Variants in PPP2R5C observed in about 807,000 individuals in gnomAD.
The protein encoded by PPP2R5C is serine/threonine-protein phosphatase 2A 56 kDa regulatory subunit gamma isoform.
In PPP2R5C, 7 loss-of-function variants were observed where a neutral mutation model predicts 68.9. That is an observed-to-expected ratio of 0.10 (90% CI 0.06 to 0.19). The LOEUF (loss-of-function observed/expected upper bound fraction) is 0.19, where lower values mean the gene tolerates loss of function less well. Among genes scored for constraint, PPP2R5C ranks in the 10% least tolerant of loss-of-function variants. PPP2R5C has a pLI of 1.00. For missense variants in PPP2R5C, 348 were observed against 641.3 expected (o/e 0.54, Z 4.94); for synonymous variants, 210 against 222.2 (o/e 0.95, Z 0.49).
At chr14:101,923,225 G>C (rs965446008) in intron 13 of PPP2R5C, among the ~76,000 whole-genome samples, 3 of 152,174 alleles carry the variant, frequency 2.0e-5, no homozygotes, top group Non-Finnish European at 4.4e-5. Context: ...AAATGTCTAA[G>C]CAGAAAGGCC....
At position 101,781,750 on chromosome 14, in the gene PPP2R5C, C is replaced by G. The variant is rs905908750; in HGVS notation, c.94-4268C>G. On this transcript the variant is annotated intron_variant, in intron 2 of 14. Coordinates refer to the PPP2R5C transcript ENST00000328724. The surrounding 1 kb of genome is among the most constrained non-coding windows in gnomAD (Gnocchi z 6.4). ...CGGGGAAGAAGCGGAGGACGCCGAT[C>G]TGGCCTCCTGCGTTGCGCGCTCCAA... 1.3e-5 allele frequency among the ~76,000 whole-genome samples: 2 copies of G among 152,038 alleles called. No homozygotes were observed. Among genetic ancestry groups the G allele is most frequent in the African/African-American group, 2.4e-5 (1 of 41,406 alleles).
intron 3 of PPP2R5C, among the ~76,000 whole-genome samples, chr14:101,798,859 G>A (rs2140128830): frequency 6.6e-6 from 1 of 152,326 alleles, no homozygotes; most frequent in African/African-American, 2.4e-5. Flanking sequence ...CAGGAGGTGA[G>A]TGGAAGGCAT....
At chr14:101,767,329 T>C (rs898005911) in intron 2 of PPP2R5C, among the ~76,000 whole-genome samples, 1 of 152,206 alleles carries the variant, frequency 6.6e-6, no homozygotes, top group Non-Finnish European at 1.5e-5. Flanking sequence ...TTTAAAAATA[T>C]TTAATAATAC....
rs988967157 is a variant in PPP2R5C at position 101,890,126 on chromosome 14, C to T, written c.630-111C>T. ...GCTTGCTCACCACGAGCAGTGTTTG[C>T]ACAAATAGATGCGCTTCTTGTTGCC... is the stretch of plus-strand genomic sequence containing the variant. On this transcript the variant is annotated intron_variant, in intron 5 of 13. Transcript: ENST00000334743. 20 of 989,514 alleles carry T rather than the reference C, an allele frequency of 2.0e-5. No individual in the cohort carries two copies. The East Asian group carries it at 4.8e-4, about 24-fold the overall frequency. 61.3% of individuals were successfully genotyped at this position (989,514 alleles called of 1,614,324 possible). A position where few individuals can be genotyped will look rare whatever the true frequency, so the allele number is the denominator to read the frequency against.
In PPP2R5C at chr14:101,763,087, T is replaced by C. The variant is rs1049633021; in HGVS notation, c.93+117T>C. ...AAATGTTTCCCTATGTGAGGTTTTTTTTTTGTGGTGTCTTTTATAACCCTC... is the reference window on the plus strand; with the variant it reads ...AAATGTTTCCCTATGTGAGGTTTTTCTTTTGTGGTGTCTTTTATAACCCTC... On this transcript the variant is annotated intron_variant, in intron 2 of 14. Transcript: ENST00000328724. The C allele has an allele frequency of 1.2e-5, 10 of 853,014 alleles. No individual in the cohort carries two copies. In the South Asian group the frequency reaches 1.2e-4, roughly 10 times the overall value. The allele number at this position is 853,014 out of a possible 1,614,324, so 52.8% of individuals were successfully genotyped here.
intron 1 of PPP2R5C, chr14:101,818,757 G>A: frequency 2.8e-6 from 1 of 355,540 alleles, no homozygotes; most frequent in Non-Finnish European, 5.1e-6. Context: ...TTTGAAATAA[G>A]TGGGGTCCCA....
rs2038679801 is a variant in PPP2R5C, at chr14:101,797,688, T to C, written c.259+11505T>C. ...GTTGGCAAGTTAAAAAAAAAAACAA[T>C]CAGCATGAAAGCACTCCGATGTATG... On this transcript the variant is annotated intron_variant, in intron 3 of 14. Coordinates refer to the PPP2R5C transcript ENST00000328724. The surrounding 1 kb of genome is among the most constrained non-coding windows in gnomAD (Gnocchi z 4.2). 2 of 179,944 alleles carry C rather than the reference T, an allele frequency of 1.1e-5. No homozygotes were observed. Among genetic ancestry groups the C allele is most frequent in the African/African-American group, 2.4e-5 (1 of 42,234 alleles). The allele number at this position is 179,944 out of a possible 1,614,324, so 11.1% of individuals were successfully genotyped here.
intron 1 of PPP2R5C, among the ~76,000 whole-genome samples, chr14:101,814,503 C>G (rs2039546401): frequency 6.6e-6 from 1 of 152,182 alleles, no homozygotes; most frequent in Non-Finnish European, 1.5e-5. Flanking sequence ...TGCTCATAAA[C>G]ACACTCTCAT....
At chr14:101,824,147 T>C (rs555044753) in intron 1 of PPP2R5C, 2 of 1,281,746 alleles carry the variant, frequency 1.6e-6, no homozygotes, top group Non-Finnish European at 2.0e-6. Context: ...ATTTTAGACA[T>C]AGCTGGCAAG....
At chr14:101,813,378 A>G (rs933103418) in intron 1 of PPP2R5C, among the ~76,000 whole-genome samples, 2 of 152,378 alleles carry the variant, frequency 1.3e-5, no homozygotes, top group Non-Finnish European at 2.9e-5. Flanking sequence ...ATTGACAAAC[A>G]GGTGACAGGC....
At position 101,920,967 on chromosome 14, in the gene PPP2R5C, A is replaced by G. The variant is rs557401184; in HGVS notation, c.1443+3020A>G. ...AGATTTCTGTGGATCAGTTGAATCA[A>G]TTGAATTCAGTTGAATTCAACCTAT... On this transcript the variant is annotated intron_variant, in intron 13 of 13. Coordinates refer to ENST00000334743, the Ensembl canonical transcript of PPP2R5C. 51 of 162,376 alleles carry G rather than the reference A, an allele frequency of 3.1e-4. 1 individual carries two copies. The highest frequency in any genetic ancestry group is 1.1e-3 in the African/African-American group (45 of 41,224). The allele number at this position is 162,376 out of a possible 1,614,324, so 10.1% of individuals were successfully genotyped here.
intron 8 of PPP2R5C, among the ~76,000 whole-genome samples, chr14:101,897,436 G>C (rs1164300950): frequency 5.4e-5 from 8 of 147,150 alleles, no homozygotes; most frequent in Non-Finnish European, 7.4e-5. Flanking sequence ...ATCTCGCTCT[G>C]TCACCCAGGT....
chr14:101,770,139 A>C (rs2037072617), intron 2 of PPP2R5C, among the ~76,000 whole-genome samples: 1 of 152,176 alleles, frequency 6.6e-6, no homozygotes, highest in South Asian at 2.1e-4. Context: ...TGTTATCTGA[A>C]ATGTCATTAT....
At chr14:101,883,385 G>C (rs768198418) in intron 4 of PPP2R5C, 36 bp downstream of exon 6, 2 of 1,610,722 alleles carry the variant, frequency 1.2e-6, no homozygotes, top group Admixed American at 3.4e-5. Context: ...TGAAAGCCCT[G>C]ATGGAATGAT....
intron 2 of PPP2R5C, among the ~76,000 whole-genome samples, chr14:101,859,057 G>A (rs2042603627): frequency 6.6e-6 from 1 of 152,156 alleles, no homozygotes; most frequent in Non-Finnish European, 1.5e-5. Flanking sequence ...ACCTCGCGCT[G>A]GGCTCCAGAG....
rs1038369904 is a variant in PPP2R5C at position 101,762,991 on chromosome 14, A to G, written c.93+21A>G. On this transcript the variant is annotated intron_variant, in intron 2 of 14. Transcript: ENST00000328724. ...CAGAGGTAACTGTCATCAAATATTG[A>G]CTTTGTATTTTATACACAGCTTTTA... The G allele has an allele frequency of 1.9e-5, 30 of 1,549,576 alleles. No individual in the cohort carries two copies. The East Asian group carries it at 7.1e-4, about 37-fold the overall frequency.
rs998371538 is a variant in PPP2R5C, at chr14:101,797,561, C to T, written c.259+11378C>T. 1 of 266,880 alleles carries T rather than the reference C, an allele frequency of 3.7e-6. No homozygotes were observed. Among genetic ancestry groups the T allele is most frequent in the Non-Finnish European group, 7.6e-6 (1 of 132,344 alleles). The allele number at this position is 266,880 out of a possible 1,614,324, so 16.5% of individuals were successfully genotyped here. ...GGGGTGGCCAAAACCCCAGCCAGGG[C>T]CACCTATCCCTTCACCTCCCTCCAC... is the stretch of plus-strand genomic sequence containing the variant. On this transcript the variant is annotated intron_variant, in intron 3 of 14. Transcript: ENST00000328724. This position sits in a 1 kb window ranked among gnomAD's most constrained non-coding sequence, Gnocchi z 4.2.
chr14:101,889,303 C>A (rs2044706614), intron 5 of PPP2R5C, among the ~76,000 whole-genome samples: 1 of 152,136 alleles, frequency 6.6e-6, no homozygotes, highest in Non-Finnish European at 1.5e-5. Context: ...ATGCAGGATA[C>A]CCCTCGTGGA....
At chr14:101,760,732 G>C (rs867185778), upstream of PPP2R5C, 12 of 878,050 alleles carry the variant, frequency 1.4e-5, no homozygotes, top group Non-Finnish European at 1.6e-5. Flanking sequence ...AGCTGGTGAG[G>C]GGAGGGGCTG....
Sources: gnomAD v4.1 joint callset for allele counts (sites outside exome capture counted in the v4.1 genomes callset) on GRCh38, gnomAD v4.1.1 for gene constraint, Gnocchi (gnomAD v3.1) non-coding constraint, MANE v1.5 for transcripts, NCBI Gene and HGNC (gene_info 2026-07-23, HGNC 2026-07-21) for gene names.